The following QKI variants were observed in gnomAD, a reference collection of about 807,000 sequenced individuals.
QKI encodes KH domain-containing RNA-binding protein QKI.
A neutral mutation model predicts 39.0 loss-of-function variants in QKI; 10 were observed. The ratio of observed to expected loss-of-function variants is 0.26; its 90% CI spans 0.16 to 0.43. QKI has a LOEUF of 0.43. Ranked by LOEUF, QKI falls within the 20% of genes least tolerant of loss-of-function variation. QKI has a pLI of 1.00. For synonymous variants in QKI, 204 were observed against 155.4 expected (o/e 1.31, Z -2.33); for missense variants, 218 against 428.0 (o/e 0.51, Z 4.33).
intron 2 of QKI, among the ~76,000 whole-genome samples, chr6:163,461,101 T>C (rs767295564): frequency 5.3e-5 from 8 of 152,310 alleles, no homozygotes; most frequent in Non-Finnish European, 1.0e-4. Flanking sequence ...ACTTAATGTA[T>C]AAGTTCAACT....
At chr6:163,564,547 A>G in intron 6 of QKI, 1 of 1,554,988 alleles carries the variant, frequency 6.4e-7, no homozygotes, top group Non-Finnish European at 8.7e-7. Context: ...TAAATAGCAA[A>G]TCACTGAATT....
At chr6:163,569,024 C>CT (rs1397130642) in intron 7 of QKI, 1 of 978,102 alleles carries the variant, frequency 1.0e-6, no homozygotes, top group Non-Finnish European at 1.2e-6. Context: ...AAAACCATCA[C>CT]TTACATAATT....
At chr6:163,558,058 G>A (rs116649101) in intron 4 of QKI, among the ~76,000 whole-genome samples, 1,600 of 152,224 alleles carry the variant, frequency 0.011, 31 homozygotes, top group African/African-American at 0.035. Flanking sequence ...GCTCATTCCC[G>A]ATCAAGGTTC....
intron 2 of QKI, among the ~76,000 whole-genome samples, chr6:163,469,214 T>C (rs1792004953): frequency 1.3e-5 from 2 of 152,168 alleles, no homozygotes; most frequent in African/African-American, 2.4e-5. Flanking sequence ...CTTGATGTGG[T>C]TCCAGCCAAG....
chr6:163,492,598 A>T (rs1165619116), intron 3 of QKI, among the ~76,000 whole-genome samples: 2 of 152,196 alleles, frequency 1.3e-5, no homozygotes, highest in Non-Finnish European at 2.9e-5. Flanking sequence ...GGTGAATTAA[A>T]ATAAGTATAA....
chr6:163,575,878 G>C lies in QKI; in HGVS notation c.*5168G>C, dbSNP rs188937872. On this transcript the variant is annotated 3_prime_UTR_variant, in exon 8 of 8. Coordinates refer to ENST00000361752, the MANE Select transcript of QKI (RefSeq NM_006775.3). ...TTCTTTAGTTTTAGGATGGGGTGGGGTGGGAGTGGTTTTGCATGTTTGACC... is the reference window on the plus strand; with the variant it reads ...TTCTTTAGTTTTAGGATGGGGTGGGCTGGGAGTGGTTTTGCATGTTTGACC... The C allele has an allele frequency of 6.6e-6, 1 of 152,264 alleles. No homozygotes were observed. Among genetic ancestry groups the C allele is most frequent in the East Asian group, 1.9e-4 (1 of 5,178 alleles). 9.4% of individuals were successfully genotyped at this position (152,264 alleles called of 1,614,324 possible).
At chr6:163,468,530 A>G (rs897387960) in intron 2 of QKI, among the ~76,000 whole-genome samples, 2 of 152,198 alleles carry the variant, frequency 1.3e-5, no homozygotes, top group African/African-American at 4.8e-5. Context: ...ATTGGGAAAA[A>G]TCTATCATTT....
At chr6:163,564,899 T>C (rs1301987181) in intron 6 of QKI, 2 of 1,379,098 alleles carry the variant, frequency 1.5e-6, no homozygotes, top group African/African-American at 2.9e-5. Flanking sequence ...TAAGGTTTTT[T>C]TTCCCCAGCA....
chr6:163,420,484 C>G (rs1050294035), intron 1 of QKI, among the ~76,000 whole-genome samples: 5 of 151,986 alleles, frequency 3.3e-5, no homozygotes, highest in Admixed American at 1.3e-4. Context: ...ATGAACATAT[C>G]CAAGGTTCTA....
chr6:163,420,175 TG>T (rs1787883413), intron 1 of QKI, among the ~76,000 whole-genome samples: 1 of 136,344 alleles, frequency 7.3e-6, no homozygotes, highest in African/African-American at 2.7e-5. Flanking sequence ...TTTTTTTTGG[TG>T]GTTTTTTTCT....
intron 3 of QKI, among the ~76,000 whole-genome samples, chr6:163,500,218 T>C (rs1778674526): frequency 6.6e-6 from 1 of 152,184 alleles, no homozygotes. Context: ...AGTCAGTTGA[T>C]GGTTTTAAGC....
intron 3 of QKI, among the ~76,000 whole-genome samples, chr6:163,533,302 CCA>C (rs778270581): frequency 1.2e-4 from 19 of 152,244 alleles, no homozygotes; most frequent in Non-Finnish European, 2.4e-4. Context: ...CCTGAGGTTT[CCA>C]GTTTCTTGAT....
chr6:163,477,861 A>C (rs964874428), intron 2 of QKI, among the ~76,000 whole-genome samples: 3 of 152,224 alleles, frequency 2.0e-5, no homozygotes, highest in African/African-American at 7.2e-5. Context: ...CGTTACTTTT[A>C]TGTAATGATA....
intron 2 of QKI, among the ~76,000 whole-genome samples, chr6:163,465,498 C>G (rs1381869199): frequency 6.6e-6 from 1 of 151,490 alleles, no homozygotes; most frequent in Non-Finnish European, 1.5e-5. Context: ...CATGGTGATG[C>G]ATGCCTGTAA....
chr6:163,563,712 T>G lies in QKI; in HGVS notation c.927T>G (p.Gly309=). 3.7e-6 allele frequency: 6 copies of G among 1,612,898 alleles called. No individual in the cohort carries two copies. The highest frequency in any genetic ancestry group is 5.1e-6 in the Non-Finnish European group (6 of 1,179,148). The change falls in exon 6 of 8, where the codon GGT becomes GGG. Residue 309 remains glycine (G), a synonymous_variant. Transcript: ENST00000361752. ...SILEYPIEPS[G]VLGAVATKVR... Reference sequence around the variant, plus strand: ...TTGAGTATCCTATTGAACCTAGTGGTGTATTAGGTAAGTTCTTCTCCCCAT... The same window carrying G: ...TTGAGTATCCTATTGAACCTAGTGGGGTATTAGGTAAGTTCTTCTCCCCAT...
intron 3 of QKI, among the ~76,000 whole-genome samples, chr6:163,503,746 T>C (rs1374010192): frequency 2.0e-5 from 3 of 151,996 alleles, no homozygotes; most frequent in Non-Finnish European, 4.4e-5. Context: ...TTTTTTAAAC[T>C]GTTATTTTTT....
intron 3 of QKI, among the ~76,000 whole-genome samples, chr6:163,523,090 A>G (rs1274602762): frequency 6.6e-6 from 1 of 152,172 alleles, no homozygotes; most frequent in Non-Finnish European, 1.5e-5. Context: ...ATGAGGAAGT[A>G]AGGCAGACTG....
intron 3 of QKI, among the ~76,000 whole-genome samples, chr6:163,490,063 A>G (rs1777957823): frequency 6.6e-6 from 1 of 152,188 alleles, no homozygotes; most frequent in Non-Finnish European, 1.5e-5. Flanking sequence ...TACAAATTGT[A>G]TTCTTATCAA....
intron 3 of QKI, among the ~76,000 whole-genome samples, chr6:163,497,810 C>T (rs1461681218): frequency 1.3e-5 from 2 of 151,992 alleles, no homozygotes; most frequent in African/African-American, 4.8e-5. Flanking sequence ...ATAGCATCTC[C>T]ATTCACTTCC....
Sources: gnomAD v4.1 joint callset for allele counts (sites outside exome capture counted in the v4.1 genomes callset) on GRCh38, gnomAD v4.1.1 for gene constraint, MANE v1.5 for transcripts, NCBI Gene and HGNC (gene_info 2026-07-23, HGNC 2026-07-21) for gene names.